The following SCAPER variants were observed in gnomAD, a reference collection of about 807,000 sequenced individuals.
SCAPER encodes S-phase cyclin A associated protein in the ER, also known as S phase cyclin A-associated protein in the endoplasmic reticulum.
SCAPER carries 98 observed loss-of-function variants against 182.2 expected under a neutral mutation model. The ratio of observed to expected loss-of-function variants is 0.54; its 90% CI spans 0.46 to 0.64. The LOEUF is 0.64. Ranked by LOEUF, SCAPER falls within the 30% of genes least tolerant of loss-of-function variation. The pLI is 0.00. For synonymous variants in SCAPER, 605 were observed against 564.6 expected (o/e 1.07, Z -1.01); for missense variants, 1,432 against 1,690.0 (o/e 0.85, Z 2.68).
At chr15:76,559,201 A>ATTTTTTT (rs58642207) in intron 23 of SCAPER, among the ~76,000 whole-genome samples, 5 of 121,816 alleles carry the variant, frequency 4.1e-5, no homozygotes, top group South Asian at 2.8e-4. Flanking sequence ...CACCCAGCTA[A>ATTTTTTT]TTTTTTTTTT....
chr15:76,588,136 A>G (rs1028568946), intron 22 of SCAPER, among the ~76,000 whole-genome samples: 2 of 152,032 alleles, frequency 1.3e-5, no homozygotes, highest in African/African-American at 4.8e-5. Flanking sequence ...GTTAGCCAGA[A>G]TGGTCTTGAT....
chr15:76,779,254 C>T (rs2063941027), intron 8 of SCAPER, among the ~76,000 whole-genome samples: 1 of 152,172 alleles, frequency 6.6e-6, no homozygotes. Flanking sequence ...TTCAAATGCT[C>T]ACAGAACATT....
chr15:76,522,453 A>G (rs1008734438), intron 23 of SCAPER, among the ~76,000 whole-genome samples: 1 of 152,156 alleles, frequency 6.6e-6, no homozygotes, highest in Non-Finnish European at 1.5e-5. Context: ...ATTTTGAGGA[A>G]AAAGTAAAAC....
At chr15:76,608,838 A>C (rs181651883) in intron 22 of SCAPER, among the ~76,000 whole-genome samples, 1 of 152,284 alleles carries the variant, frequency 6.6e-6, no homozygotes, top group East Asian at 1.9e-4. Flanking sequence ...GAGGGATATA[A>C]TCTCCTGGTG....
intron 29 of SCAPER, among the ~76,000 whole-genome samples, chr15:76,369,316 T>G (rs961574932): frequency 6.6e-6 from 1 of 152,258 alleles, no homozygotes; most frequent in African/African-American, 2.4e-5. Flanking sequence ...GACTTCTGAC[T>G]AATGATAAGG....
intron 16 of SCAPER, among the ~76,000 whole-genome samples, chr15:76,731,917 A>T (rs1209704602): frequency 2.6e-5 from 4 of 152,204 alleles, no homozygotes; most frequent in Non-Finnish European, 5.9e-5. Flanking sequence ...ACGAAAGATA[A>T]CTGTTATATT....
At chr15:76,448,731 G>T (rs1178626160) in intron 25 of SCAPER, among the ~76,000 whole-genome samples, 1 of 152,116 alleles carries the variant, frequency 6.6e-6, no homozygotes, top group Non-Finnish European at 1.5e-5. Context: ...ACCAAAGGAG[G>T]GGAGACTTTC....
intron 27 of SCAPER, among the ~76,000 whole-genome samples, chr15:76,394,595 T>C (rs56216512): frequency 0.4 from 60,870 of 152,120 alleles, 14,441 homozygotes; most frequent in Middle Eastern, 0.55. Flanking sequence ...CCTTGCACTT[T>C]CCACCTTCTA....
At chr15:76,769,653 A>T (rs951220564) in intron 10 of SCAPER, among the ~76,000 whole-genome samples, 3 of 151,912 alleles carry the variant, frequency 2.0e-5, no homozygotes, top group African/African-American at 7.3e-5. Context: ...ATCATTAAAA[A>T]GTCAGGAAAC....
chr15:76,386,485 T>C (rs540994318), intron 27 of SCAPER, among the ~76,000 whole-genome samples: 51 of 152,256 alleles, frequency 3.3e-4, no homozygotes, highest in African/African-American at 1.2e-3. Flanking sequence ...CAGGAAGATA[T>C]AAACGAACAA....
intron 1 of SCAPER, among the ~76,000 whole-genome samples, chr15:76,893,206 TAGG>T (rs2074253601): frequency 6.6e-6 from 1 of 152,050 alleles, no homozygotes; most frequent in Non-Finnish European, 1.5e-5. Context: ...GGGATAGCAT[TAGG>T]AGAAATACCT....
intron 3 of SCAPER, among the ~76,000 whole-genome samples, chr15:76,860,008 G>A (rs1332410681): frequency 2.0e-5 from 3 of 152,038 alleles, no homozygotes; most frequent in Admixed American, 6.6e-5. Flanking sequence ...GAGCCACTGC[G>A]CCCAGCCTGT....
intron 24 of SCAPER, among the ~76,000 whole-genome samples, chr15:76,477,397 A>T (rs543057134): frequency 6.6e-6 from 1 of 152,292 alleles, no homozygotes; most frequent in East Asian, 1.9e-4. Flanking sequence ...CTGCAAATAT[A>T]TATAGGACAA....
intron 23 of SCAPER, among the ~76,000 whole-genome samples, chr15:76,566,508 C>G (rs950655318): frequency 1.3e-5 from 2 of 152,092 alleles, no homozygotes; most frequent in African/African-American, 4.8e-5. Context: ...TAACAGCATA[C>G]ACATGTCTCA....
chr15:76,665,183 C>T lies in SCAPER; in HGVS notation c.2645+470G>A, dbSNP rs577595899. On this transcript the variant is annotated intron_variant, in intron 21 of 31. Transcript: ENST00000563290. ...GGCTGATGATAAACTACAGGTCTGA[C>T]AACTCACTTTCCATTTTAAGATATT... Among the ~76,000 whole-genome samples the T allele has an allele frequency of 3.9e-5, 6 of 152,286 alleles. 1 individual carries two copies. The highest frequency in any genetic ancestry group is 1.4e-4 in the African/African-American group (6 of 41,572).
chr15:76,885,755 G>A (rs2073805922), intron 1 of SCAPER, among the ~76,000 whole-genome samples: 1 of 152,104 alleles, frequency 6.6e-6, no homozygotes, highest in African/African-American at 2.4e-5. Flanking sequence ...AAAGTGCTGG[G>A]GTTAAAGGCA....
chr15:76,891,273 CCT>C (rs2074148300), intron 1 of SCAPER, among the ~76,000 whole-genome samples: 1 of 152,122 alleles, frequency 6.6e-6, no homozygotes, highest in Non-Finnish European at 1.5e-5. Context: ...ACAAGGATGC[CCT>C]CTCTCACCAC....
At chr15:76,826,976 A>G (rs2068069184) in intron 5 of SCAPER, among the ~76,000 whole-genome samples, 1 of 152,080 alleles carries the variant, frequency 6.6e-6, no homozygotes, top group Non-Finnish European at 1.5e-5. Flanking sequence ...ATTCTGCTCT[A>G]TTTTGGTTTC....
At chr15:76,788,117 A>T (rs1598738862) in intron 8 of SCAPER, among the ~76,000 whole-genome samples, 1 of 152,244 alleles carries the variant, frequency 6.6e-6, no homozygotes, top group East Asian at 1.9e-4. Context: ...TGCAAATTAA[A>T]ACCACAATGC....
Sources: gnomAD v4.1 joint callset for allele counts (sites outside exome capture counted in the v4.1 genomes callset) on GRCh38, gnomAD v4.1.1 for gene constraint, MANE v1.5 for transcripts, NCBI Gene and HGNC (gene_info 2026-07-23, HGNC 2026-07-21) for gene names.